PPARGC1A: variants seen among roughly 807,000 people sequenced by gnomAD.
PPARGC1A encodes the protein PPARG coactivator 1 alpha.
PPARGC1A carries 25 observed loss-of-function variants against 88.7 expected under a neutral mutation model. The observed-to-expected ratio is 0.28, with a 90% CI of 0.21 to 0.39. The LOEUF is 0.39. Among genes scored for constraint, PPARGC1A ranks in the 10% least tolerant of loss-of-function variants. The pLI, the probability that PPARGC1A is intolerant of heterozygous loss-of-function variation, is 1.00. For missense variants in PPARGC1A, 880 were observed against 968.7 expected (o/e 0.91, Z 1.22); for synonymous variants, 363 against 355.6 (o/e 1.02, Z -0.24).
At chr4:24,085,058 A>G in the PPARGC1A span, among the ~76,000 whole-genome samples, 1 of 152,212 alleles carries the variant, frequency 6.6e-6, no homozygotes, top group Non-Finnish European at 1.5e-5. Flanking sequence ...TTTAAACATG[A>G]AGTAAACTCA....
the PPARGC1A span, among the ~76,000 whole-genome samples, chr4:24,260,299 T>C: frequency 6.6e-6 from 1 of 152,142 alleles, no homozygotes; most frequent in African/African-American, 2.4e-5. Flanking sequence ...TGTTCCCCCA[T>C]CCTCACTCTC....
the PPARGC1A span, among the ~76,000 whole-genome samples, chr4:23,968,041 G>A: frequency 2.6e-5 from 4 of 152,164 alleles, no homozygotes; most frequent in Admixed American, 2.6e-4. Flanking sequence ...CTTGGCACTA[G>A]CATCCCCATG....
intron 10 of PPARGC1A, among the ~76,000 whole-genome samples, chr4:23,810,401 T>A (rs1720680148): frequency 6.6e-6 from 1 of 152,172 alleles, no homozygotes. Context: ...GAGGAACTAG[T>A]CAACATTTGT....
At chr4:24,333,937 CAACAAAAAAAAAAA>C in the PPARGC1A span, among the ~76,000 whole-genome samples, 14 of 10,372 alleles carry the variant, frequency 1.3e-3, 1 homozygote, top group Non-Finnish European at 4.6e-3. Flanking sequence ...CCAACAACAA[CAACAAAAAAAAAAA>C]AAAAAAAAAA....
At chr4:23,955,491 A>G in the PPARGC1A span, among the ~76,000 whole-genome samples, 1 of 152,072 alleles carries the variant, frequency 6.6e-6, no homozygotes, top group Non-Finnish European at 1.5e-5. Flanking sequence ...GTAAAGGAGC[A>G]ATTTTCTTTA....
chr4:24,107,178 AC>A, the PPARGC1A span, among the ~76,000 whole-genome samples: 18 of 152,254 alleles, frequency 1.2e-4, no homozygotes, highest in Non-Finnish European at 2.4e-4. Context: ...TTGCTATATT[AC>A]TTTTCATTTT....
At chr4:24,428,121 C>T in the PPARGC1A span, among the ~76,000 whole-genome samples, 2 of 127,666 alleles carry the variant, frequency 1.6e-5, no homozygotes, top group Non-Finnish European at 3.3e-5. Flanking sequence ...GAGACCCTGT[C>T]TCCAAAAAAA....
the PPARGC1A span, among the ~76,000 whole-genome samples, chr4:24,176,761 G>A: frequency 1.3e-5 from 2 of 151,992 alleles, no homozygotes; most frequent in African/African-American, 4.8e-5. Flanking sequence ...GGTGGGACTG[G>A]GGACAAGGAG....
the PPARGC1A span, among the ~76,000 whole-genome samples, chr4:24,112,384 A>AT: frequency 1.3e-5 from 2 of 152,072 alleles, no homozygotes; most frequent in Admixed American, 6.6e-5. Context: ...AATTTTTTTT[A>AT]TATCTCTTTA....
upstream of PPARGC1A, among the ~76,000 whole-genome samples, chr4:23,902,102 T>C (rs1719476208): frequency 6.6e-6 from 1 of 152,152 alleles, no homozygotes; most frequent in African/African-American, 2.4e-5. Context: ...ATTTCATTAA[T>C]AACTTAGAGC....
intron 5 of PPARGC1A, among the ~76,000 whole-genome samples, chr4:23,827,592 T>C (rs952788061): frequency 6.6e-6 from 1 of 152,120 alleles, no homozygotes; most frequent in Non-Finnish European, 1.5e-5. Context: ...GCCTAAAAGA[T>C]AGAAAATTGT....
chr4:24,375,898 G>T, the PPARGC1A span, among the ~76,000 whole-genome samples: 1 of 152,048 alleles, frequency 6.6e-6, no homozygotes, highest in African/African-American at 2.4e-5. Context: ...GGGGGTCCAA[G>T]GGTGAAGAGG....
chr4:23,934,554 C>T, the PPARGC1A span, among the ~76,000 whole-genome samples: 6 of 152,160 alleles, frequency 3.9e-5, no homozygotes, highest in Non-Finnish European at 8.8e-5. Context: ...GATGGAGAGA[C>T]TTCATGAAGG....
the PPARGC1A span, among the ~76,000 whole-genome samples, chr4:24,322,618 A>G: frequency 3.3e-5 from 5 of 152,244 alleles, no homozygotes; most frequent in Admixed American, 6.5e-5. Context: ...ACAGGCTTAC[A>G]TAGGCTTTGC....
the PPARGC1A span, among the ~76,000 whole-genome samples, chr4:23,985,653 A>G: frequency 6.6e-6 from 1 of 152,152 alleles, no homozygotes; most frequent in East Asian, 1.9e-4. Context: ...AAATTTGACA[A>G]TGGAGCAAAA....
At chr4:23,817,048 G>C (rs1017789300) in intron 7 of PPARGC1A, among the ~76,000 whole-genome samples, 1 of 152,126 alleles carries the variant, frequency 6.6e-6, no homozygotes, top group African/African-American at 2.4e-5. Flanking sequence ...CCCAGCCCTA[G>C]AGTGTCTGCC....
chr4:23,992,410 A>G, the PPARGC1A span, among the ~76,000 whole-genome samples: 1 of 152,078 alleles, frequency 6.6e-6, no homozygotes, highest in Non-Finnish European at 1.5e-5. Flanking sequence ...TGAGCACTGT[A>G]CACATGATCT....
chr4:24,270,076 G>C, the PPARGC1A span, among the ~76,000 whole-genome samples: 36 of 152,154 alleles, frequency 2.4e-4, no homozygotes, highest in Non-Finnish European at 5.9e-5. Context: ...GCCCTCCTCA[G>C]TGTGGGCTGT....
At chr4:23,983,048 G>T in the PPARGC1A span, among the ~76,000 whole-genome samples, 1 of 152,142 alleles carries the variant, frequency 6.6e-6, no homozygotes, top group Admixed American at 6.5e-5. Context: ...AATGTGGCCT[G>T]CAAAATTTAA....
Sources: allele counts gnomAD v4.1 joint callset (sites outside exome capture counted in the v4.1 genomes callset), GRCh38; gene constraint gnomAD v4.1.1; transcripts MANE v1.5; gene names NCBI Gene and HGNC (gene_info 2026-07-23, HGNC 2026-07-21).